RPTOR: variants seen among roughly 807,000 people sequenced by gnomAD.
RPTOR encodes regulatory-associated protein of mTOR.
In RPTOR, 21 loss-of-function variants were observed where a neutral mutation model predicts 169.9. The ratio of observed to expected loss-of-function variants is 0.12; its 90% CI spans 0.09 to 0.18. The LOEUF is 0.18. Ranked by LOEUF, RPTOR falls within the 10% of genes least tolerant of loss-of-function variation. The pLI, the probability that RPTOR is intolerant of heterozygous loss-of-function variation, is 1.00. For synonymous variants in RPTOR, 732 were observed against 753.2 expected (o/e 0.97, Z 0.46); for missense variants, 1,133 against 1,855.9 (o/e 0.61, Z 7.16).
At chr17:80,835,968 G>A (rs961795667) in intron 9 of RPTOR, among the ~76,000 whole-genome samples, 9 of 152,078 alleles carry the variant, frequency 5.9e-5, no homozygotes, top group African/African-American at 1.2e-4. Flanking sequence ...AGCTGCCTCC[G>A]ACTGACCCCT....
At chr17:80,591,272 C>T (rs1472815079) in intron 1 of RPTOR, among the ~76,000 whole-genome samples, 2 of 106,328 alleles carry the variant, frequency 1.9e-5, no homozygotes, top group Non-Finnish European at 4.0e-5. Context: ...CTCTCCTCCC[C>T]TCTCCTCCCT....
chr17:80,774,232 C>A (rs1422380089), intron 6 of RPTOR: 3 of 985,296 alleles, frequency 3.0e-6, no homozygotes, highest in Admixed American at 6.1e-5. Context: ...TTCTCGACAG[C>A]GCCCGTGTGA....
chr17:80,844,138 C>T lies in RPTOR; in HGVS notation c.1213-2335C>T, dbSNP rs1044262091. ...GCCCTGTGAATCATGGGTGGAGACA[C>T]GGGCCGCTCTCGAGATGTTTTCCGG... On this transcript the variant is annotated intron_variant, in intron 10 of 33. Transcript: ENST00000306801. The surrounding 1 kb of genome is among the most constrained non-coding windows in gnomAD (Gnocchi z 4.7). Among the ~76,000 whole-genome samples the T allele has an allele frequency of 6.6e-6, 1 of 152,144 alleles. No individual in the cohort carries two copies. The highest frequency in any genetic ancestry group is 1.5e-5 in the Non-Finnish European group (1 of 68,028).
intron 11 of RPTOR, among the ~76,000 whole-genome samples, chr17:80,848,592 G>A (rs1449963681): frequency 6.6e-6 from 1 of 152,210 alleles, no homozygotes; most frequent in Non-Finnish European, 1.5e-5. Flanking sequence ...ACGGGTGACC[G>A]GGGGTGGCCA....
chr17:80,753,461 C>T (rs1213397359), intron 5 of RPTOR, among the ~76,000 whole-genome samples: 1 of 151,500 alleles, frequency 6.6e-6, no homozygotes, highest in East Asian at 1.9e-4. Context: ...GGTGAAACCC[C>T]GTCTCTACTA....
chr17:80,546,407 C>A (rs2084275245), intron 1 of RPTOR, among the ~76,000 whole-genome samples: 1 of 152,098 alleles, frequency 6.6e-6, no homozygotes, highest in African/African-American at 2.4e-5. Flanking sequence ...GGGTATGAGG[C>A]GTCGAGACTT....
Position 80,651,829 on chromosome 17 carries a change from C to A in RPTOR, c.348+8019C>A, listed in dbSNP as rs921221759. On this transcript the variant is annotated intron_variant, in intron 3 of 33. Coordinates refer to ENST00000306801, the MANE Select transcript of RPTOR (RefSeq NM_020761.3). The surrounding 1 kb of genome is among the most constrained non-coding windows in gnomAD (Gnocchi z 4.1). ...TCAGGAGATCGAGACCATGGTGAAACCCTGTCTCTACTAAAAATACAAAAA... is the reference window on the plus strand; with the variant it reads ...TCAGGAGATCGAGACCATGGTGAAAACCTGTCTCTACTAAAAATACAAAAA... Among the ~76,000 whole-genome samples the A allele has an allele frequency of 6.6e-6, 1 of 152,116 alleles. No homozygotes were observed. Among genetic ancestry groups the A allele is most frequent in the Admixed American group, 6.5e-5 (1 of 15,270 alleles).
At chr17:80,790,860 C>T (rs1390804848) in intron 6 of RPTOR, among the ~76,000 whole-genome samples, 2 of 152,190 alleles carry the variant, frequency 1.3e-5, no homozygotes, top group African/African-American at 4.8e-5. Context: ...CCACTGTATG[C>T]CAGTAGCCCG....
In RPTOR at chr17:80,666,527, C is replaced by T. The variant is rs576034019; in HGVS notation, c.348+22717C>T. On this transcript the variant is annotated intron_variant, in intron 3 of 33. Coordinates refer to ENST00000306801, the MANE Select transcript of RPTOR (RefSeq NM_020761.3). Reference sequence around the variant, plus strand: ...GGATGAAAATGACTGCTTGGTTGGACGCAGCAAAATGTTGATTATTGGCCA... The same window carrying T: ...GGATGAAAATGACTGCTTGGTTGGATGCAGCAAAATGTTGATTATTGGCCA... Among the ~76,000 whole-genome samples, 9 of 152,230 alleles carry T rather than the reference C, an allele frequency of 5.9e-5. No homozygotes were observed. The South Asian group carries it at 1.7e-3, about 28-fold the overall frequency.
chr17:80,715,814 G>A lies in RPTOR; in HGVS notation c.507+7815G>A, dbSNP rs2066235193. ...CTCCCACGTAACAGTGAAAATATACGATATTTGGTTTTCCATTCTTGAGTT... is the reference window on the plus strand; with the variant it reads ...CTCCCACGTAACAGTGAAAATATACAATATTTGGTTTTCCATTCTTGAGTT... On this transcript the variant is annotated intron_variant, in intron 4 of 33. Transcript: ENST00000306801. Among the ~76,000 whole-genome samples, 3 of 151,734 alleles carry A rather than the reference G, an allele frequency of 2.0e-5. No individual in the cohort carries two copies. In the South Asian group the frequency reaches 6.3e-4, roughly 32 times the overall value.
intron 20 of RPTOR, among the ~76,000 whole-genome samples, chr17:80,904,013 T>C (rs1424054246): frequency 6.6e-6 from 1 of 152,234 alleles, no homozygotes; most frequent in Non-Finnish European, 1.5e-5. Flanking sequence ...CTAAAGGCCA[T>C]TATGATGTTT....
chr17:80,817,657 G>C (rs2143598333), intron 7 of RPTOR, among the ~76,000 whole-genome samples: 1 of 152,264 alleles, frequency 6.6e-6, no homozygotes, highest in East Asian at 1.9e-4. Flanking sequence ...GGGGGAGGGA[G>C]CACCCTTGGG....
intron 13 of RPTOR, among the ~76,000 whole-genome samples, chr17:80,874,397 G>A (rs1352497903): frequency 3.3e-5 from 5 of 152,116 alleles, no homozygotes; most frequent in African/African-American, 4.8e-5. Flanking sequence ...GGGTTTCACC[G>A]TGTTAGCCAG....
intron 20 of RPTOR, among the ~76,000 whole-genome samples, chr17:80,903,725 T>C (rs2068505823): frequency 6.6e-6 from 1 of 152,098 alleles, no homozygotes; most frequent in Admixed American, 6.5e-5. Flanking sequence ...CGCGTGCAGC[T>C]CCAGAGACCC....
intron 3 of RPTOR, among the ~76,000 whole-genome samples, chr17:80,694,104 A>G (rs1343525079): frequency 6.6e-6 from 1 of 152,274 alleles, no homozygotes; most frequent in Non-Finnish European, 1.5e-5. Context: ...ACAGCTGTAG[A>G]GCAAATACAG....
At chr17:80,574,588 T>C (rs2064943160) in intron 1 of RPTOR, among the ~76,000 whole-genome samples, 1 of 152,272 alleles carries the variant, frequency 6.6e-6, no homozygotes, top group Middle Eastern at 3.4e-3. Context: ...GTGATCTTTT[T>C]AAAGTCAATG....
chr17:80,896,613 G>A (rs1215642241), intron 20 of RPTOR, among the ~76,000 whole-genome samples: 5 of 150,726 alleles, frequency 3.3e-5, no homozygotes, highest in Non-Finnish European at 5.9e-5. Context: ...CAGCTGCGGG[G>A]GCAGCACCTT....
intron 1 of RPTOR, among the ~76,000 whole-genome samples, chr17:80,617,764 G>A (rs2065322708): frequency 6.6e-6 from 1 of 152,290 alleles, no homozygotes; most frequent in Admixed American, 6.5e-5. Flanking sequence ...GCAAAGAAAT[G>A]GTTCCTAGCT....
At chr17:80,765,847 C>G (rs930881851) in intron 6 of RPTOR, among the ~76,000 whole-genome samples, 2 of 152,182 alleles carry the variant, frequency 1.3e-5, no homozygotes, top group African/African-American at 4.8e-5. Flanking sequence ...TACATCAGAG[C>G]TCTTCAGCAA....
Sources: gnomAD v4.1 joint callset for allele counts (sites outside exome capture counted in the v4.1 genomes callset) on GRCh38, gnomAD v4.1.1 for gene constraint, Gnocchi (gnomAD v3.1) non-coding constraint, MANE v1.5 for transcripts, NCBI Gene and HGNC (gene_info 2026-07-23, HGNC 2026-07-21) for gene names.